RBFOX1: variants seen among roughly 807,000 people sequenced by gnomAD.
The protein encoded by RBFOX1 is RNA binding protein fox-1 homolog 1.
Under a neutral mutation model 57.7 loss-of-function variants are expected in RBFOX1, and 8 were observed. The observed-to-expected ratio is 0.14, with a 90% CI of 0.08 to 0.25. The LOEUF (loss-of-function observed/expected upper bound fraction) is 0.25, where lower values mean the gene tolerates loss of function less well. Among genes scored for constraint, RBFOX1 ranks in the 10% least tolerant of loss-of-function variants. RBFOX1 has a pLI of 1.00. For missense variants in RBFOX1, 611 were observed against 548.5 expected (o/e 1.11, Z -1.14); for synonymous variants, 326 against 222.4 (o/e 1.47, Z -4.15).
chr16:7,357,023 T>G (rs1290140125), intron 4 of RBFOX1, among the ~76,000 whole-genome samples: 1 of 152,170 alleles, frequency 6.6e-6, no homozygotes, highest in East Asian at 1.9e-4. Flanking sequence ...AGCAGAAAGC[T>G]TTTGGGCTCA....
rs186092491 is a variant in RBFOX1, at chr16:5,279,497, T to A, written c.219+39392T>A. On this transcript the variant is annotated intron_variant, in intron 1 of 2. Transcript: ENST00000585867. ...AATTATACGTCCGTTTTTAAAAAAA[T>A]TTTTTTTTATTTTTTATTTTTTGAG... is the stretch of plus-strand genomic sequence containing the variant. Among the ~76,000 whole-genome samples, 275 of 152,040 alleles carry A rather than the reference T, an allele frequency of 1.8e-3. 1 individual carries two copies. Among genetic ancestry groups the A allele is most frequent in the African/African-American group, 4.8e-3 (200 of 41,502 alleles).
At chr16:5,803,104 G>T (rs1462695484) in intron 3 of RBFOX1, among the ~76,000 whole-genome samples, 2 of 152,104 alleles carry the variant, frequency 1.3e-5, no homozygotes, top group South Asian at 4.2e-4. Context: ...GAATGGGTTG[G>T]ATGGGACTAT....
intron 2 of RBFOX1, among the ~76,000 whole-genome samples, chr16:6,336,284 C>G (rs1390435020): frequency 1.4e-5 from 2 of 144,534 alleles, no homozygotes; most frequent in Non-Finnish European, 3.0e-5. Flanking sequence ...CTGCAAGCTC[C>G]GCCTCCCAGG....
At chr16:5,574,385 G>C (rs1250086208) in intron 2 of RBFOX1, among the ~76,000 whole-genome samples, 6 of 150,970 alleles carry the variant, frequency 4.0e-5, no homozygotes, top group Admixed American at 4.0e-4. Context: ...CTCAATAACT[G>C]CTTTTGTTTT....
intron 2 of RBFOX1, among the ~76,000 whole-genome samples, chr16:6,491,469 A>G (rs115286623): frequency 1.3e-3 from 201 of 152,312 alleles, no homozygotes; most frequent in African/African-American, 4.6e-3. Context: ...AGTTACATCA[A>G]TGTTATAAGT....
At chr16:7,515,614 T>G (rs1222317000) in intron 4 of RBFOX1, among the ~76,000 whole-genome samples, 1 of 152,210 alleles carries the variant, frequency 6.6e-6, no homozygotes, top group Non-Finnish European at 1.5e-5. Context: ...GTATAATTTT[T>G]ATGTTAATGG....
intron 1 of RBFOX1, among the ~76,000 whole-genome samples, chr16:6,124,612 C>A (rs1219471634): frequency 1.3e-5 from 2 of 152,100 alleles, no homozygotes; most frequent in African/African-American, 4.8e-5. Context: ...AAGCAATCCT[C>A]CCACTTCAGC....
intron 3 of RBFOX1, among the ~76,000 whole-genome samples, chr16:6,988,520 C>T (rs577736338): frequency 1.3e-5 from 2 of 151,554 alleles, no homozygotes; most frequent in African/African-American, 2.4e-5. Context: ...TTAGTCTTAC[C>T]TGTTTTATTT....
intron 3 of RBFOX1, among the ~76,000 whole-genome samples, chr16:7,016,488 C>A (rs942970748): frequency 6.6e-6 from 1 of 152,118 alleles, no homozygotes; most frequent in Non-Finnish European, 1.5e-5. Flanking sequence ...ACTGAACTGC[C>A]GTGATAACAG....
At chr16:6,067,865 C>T (rs924957210) in intron 1 of RBFOX1, among the ~76,000 whole-genome samples, 2 of 152,308 alleles carry the variant, frequency 1.3e-5, no homozygotes, top group South Asian at 2.1e-4. Context: ...GCTTTCTAGA[C>T]ACTTAAGCAT....
chr16:5,625,080 C>T (rs1367967834), intron 3 of RBFOX1, among the ~76,000 whole-genome samples: 1 of 152,158 alleles, frequency 6.6e-6, no homozygotes, highest in African/African-American at 2.4e-5. Context: ...AGGGACATTG[C>T]ACAGAATGCA....
chr16:5,772,328 C>G (rs1319858044), intron 3 of RBFOX1, among the ~76,000 whole-genome samples: 1 of 151,468 alleles, frequency 6.6e-6, no homozygotes, highest in African/African-American at 2.4e-5. Context: ...TACGCCGCCT[C>G]TCCTAACATC....
rs183552104 is a variant in RBFOX1 at position 7,408,322 on chromosome 16, G to T, written c.28-109825G>T. ...ACTTGTAGATGACAATACAGCAGAA[G>T]AACTTTTAATACGGCGACTGTATTC... On this transcript the variant is annotated intron_variant, in intron 4 of 15. Transcript: ENST00000550418. Among the ~76,000 whole-genome samples, 622 of 152,222 alleles carry T rather than the reference G, an allele frequency of 4.1e-3. 15 individuals are homozygous for T. The highest frequency in any genetic ancestry group is 0.037 in the Admixed American group (567 of 15,288).
chr16:5,362,364 T>C (rs2065576948), intron 1 of RBFOX1, among the ~76,000 whole-genome samples: 1 of 151,852 alleles, frequency 6.6e-6, no homozygotes, highest in African/African-American at 2.4e-5. Flanking sequence ...ATGGTTTTTG[T>C]ATCCTTTATT....
At chr16:6,572,094 A>C (rs1434275693) in intron 2 of RBFOX1, among the ~76,000 whole-genome samples, 1 of 152,202 alleles carries the variant, frequency 6.6e-6, no homozygotes, top group Non-Finnish European at 1.5e-5. Flanking sequence ...ACACTTAGCA[A>C]GCGTTCCAGG....
chr16:6,655,001 AT>A (rs2098636889), intron 3 of RBFOX1, among the ~76,000 whole-genome samples: 1 of 151,876 alleles, frequency 6.6e-6, no homozygotes, highest in African/African-American at 2.4e-5. Flanking sequence ...ATAATTAATT[AT>A]ATTATTACTT....
At chr16:6,883,465 A>G (rs2063356770) in intron 3 of RBFOX1, among the ~76,000 whole-genome samples, 2 of 152,222 alleles carry the variant, frequency 1.3e-5, no homozygotes, top group African/African-American at 4.8e-5. Context: ...TGATTGCACT[A>G]GCCGCTTTCT....
intron 5 of RBFOX1, among the ~76,000 whole-genome samples, chr16:7,546,628 C>G (rs956325417): frequency 3.3e-5 from 5 of 152,178 alleles, no homozygotes; most frequent in Non-Finnish European, 7.4e-5. Context: ...ACCTGCTATA[C>G]TGTTTTGTGG....
At chr16:5,513,458 G>T (rs144178618) in intron 2 of RBFOX1, among the ~76,000 whole-genome samples, 2 of 152,116 alleles carry the variant, frequency 1.3e-5, no homozygotes, top group African/African-American at 4.8e-5. Flanking sequence ...TGTTTGTCAG[G>T]TTCCTCTGCT....
Sources: allele counts gnomAD v4.1 joint callset (sites outside exome capture counted in the v4.1 genomes callset), GRCh38; gene constraint gnomAD v4.1.1; transcripts MANE v1.5; gene names NCBI Gene and HGNC (gene_info 2026-07-23, HGNC 2026-07-21).